Variants in DAPK1 observed in about 807,000 individuals in gnomAD.
DAPK1 encodes the protein death associated protein kinase 1.
DAPK1 carries 56 observed loss-of-function variants against 144.9 expected under a neutral mutation model. That is an observed-to-expected ratio of 0.39 (90% CI 0.31 to 0.48). DAPK1 has a LOEUF of 0.48. DAPK1 is among the 20% of genes least tolerant of loss of function. The probability of loss-of-function intolerance (pLI) is 0.95; values close to 1 mark genes in which losing one functional copy is unlikely to be tolerated. For synonymous variants in DAPK1, 690 were observed against 749.0 expected (o/e 0.92, Z 1.29); for missense variants, 1,454 against 1,875.4 (o/e 0.78, Z 4.15).
chr9:87,566,071 A>G (rs1308338629), intron 2 of DAPK1, among the ~76,000 whole-genome samples: 1 of 139,632 alleles, frequency 7.2e-6, no homozygotes, highest in Non-Finnish European at 1.5e-5. Flanking sequence ...CCCAGGCTGG[A>G]GTGCAGTGGC....
At chr9:87,573,858 T>C (rs1451152339) in intron 2 of DAPK1, among the ~76,000 whole-genome samples, 1 of 152,252 alleles carries the variant, frequency 6.6e-6, no homozygotes, top group Non-Finnish European at 1.5e-5. Flanking sequence ...TAGAGATGTT[T>C]TCATTACTGA....
At chr9:87,697,717 C>A (rs953482732) in intron 22 of DAPK1, among the ~76,000 whole-genome samples, 2 of 152,196 alleles carry the variant, frequency 1.3e-5, no homozygotes, top group Non-Finnish European at 2.9e-5. Context: ...CTGTGGGAAG[C>A]CAAGGTGGGC....
chr9:87,645,925 A>G lies in DAPK1; in HGVS notation c.1042A>G (p.Ile348Val), dbSNP rs1279405794. Residue 348 changes from isoleucine to valine, a missense_variant, in exon 12 of 26, where the codon ATC becomes GTC. This residue lies in a region of DAPK1 where 429 missense variants were observed against 637.5 expected (regional missense o/e 0.67). Coordinates refer to ENST00000408954, the MANE Select transcript of DAPK1 (RefSeq NM_004938.4). ...DEEDSFVMKA[I>V]IHAINDDNVP... ...GGAAGACTCCTTTGTGATGAAAGCC[A>G]TCATCCATGCCATCAACGATGACAA... 2 of 1,614,100 alleles carry G rather than the reference A, an allele frequency of 1.2e-6. No homozygotes were observed. Among genetic ancestry groups the G allele is most frequent in the South Asian group, 1.1e-5 (1 of 91,074 alleles).
At position 87,698,715 on chromosome 9, in the gene DAPK1, A is replaced by G. The variant is rs374659806; in HGVS notation, c.2671A>G (p.Ile891Val). The G allele has an allele frequency of 2.5e-6, 4 of 1,598,216 alleles. No homozygotes were observed. The African/African-American group carries it at 4.0e-5, about 16-fold the overall frequency. ...TGTCCTGGTGGCCACCCACGCTGACATCATGAATGTTCCTCGACCGGCTGG... is the reference window on the plus strand; with the variant it reads ...TGTCCTGGTGGCCACCCACGCTGACGTCATGAATGTTCCTCGACCGGCTGG... ...QVVLVATHAD[I>V]MNVPRPAGGE... is the part of the protein sequence containing the mutation. The change falls in exon 23 of 26, where the codon ATC becomes GTC. Residue 891 changes from isoleucine (I) to valine (V), a missense_variant. Around this residue, in one of 2 missense-constraint regions of DAPK1, gnomAD observed 1,025 missense variants for 1,237.9 expected, o/e 0.83. Transcript: ENST00000408954.
intron 2 of DAPK1, among the ~76,000 whole-genome samples, chr9:87,504,557 G>A (rs186779071): frequency 3.9e-5 from 6 of 152,188 alleles, no homozygotes; most frequent in Non-Finnish European, 8.8e-5. Flanking sequence ...GTGTCTCCCC[G>A]GCCAATGAGG....
intron 3 of DAPK1, among the ~76,000 whole-genome samples, chr9:87,607,082 G>A (rs1290691727): frequency 6.6e-6 from 1 of 150,474 alleles, no homozygotes; most frequent in Non-Finnish European, 1.5e-5. Context: ...TGAGAACTCT[G>A]GCTTTAAAGG....
At chr9:87,681,286 A>AAAAAAAAG (rs1824608006) in intron 19 of DAPK1, 118 bp from the exon 20 acceptor site, 2 of 687,682 alleles carry the variant, frequency 2.9e-6, no homozygotes, top group Admixed American at 5.1e-5. Context: ...CTCAAAAAAG[A>AAAAAAAAG]AAAAAAGAAA....
Position 87,677,707 on chromosome 9 carries a change from C to A in DAPK1, c.2002-3697C>A, listed in dbSNP as rs1824447493. Reference sequence around the variant, plus strand: ...GAATAGATGGGGAAGTTTGCATCTACCCTGTGGGATGCTCACCATGGAAGG... The same window carrying A: ...GAATAGATGGGGAAGTTTGCATCTAACCTGTGGGATGCTCACCATGGAAGG... On this transcript the variant is annotated intron_variant, in intron 19 of 25. Transcript: ENST00000408954. Among the ~76,000 whole-genome samples, 4 of 152,180 alleles carry A rather than the reference C, an allele frequency of 2.6e-5. No individual in the cohort carries two copies. The South Asian group carries it at 8.3e-4, about 32-fold the overall frequency.
chr9:87,620,904 A>G (rs1299934523), intron 3 of DAPK1, among the ~76,000 whole-genome samples: 1 of 152,056 alleles, frequency 6.6e-6, no homozygotes, highest in Non-Finnish European at 1.5e-5. Flanking sequence ...CGTTTGCCCC[A>G]CTTTTGATTG....
chr9:87,604,006 T>C (rs1770093831), intron 2 of DAPK1, among the ~76,000 whole-genome samples: 1 of 152,184 alleles, frequency 6.6e-6, no homozygotes, highest in Non-Finnish European at 1.5e-5. Flanking sequence ...CTTATGTCGC[T>C]GAAACATCAC....
At chr9:87,621,667 C>A (rs1436599282) in intron 3 of DAPK1, among the ~76,000 whole-genome samples, 1 of 152,154 alleles carries the variant, frequency 6.6e-6, no homozygotes, top group African/African-American at 2.4e-5. Flanking sequence ...CTGCCTCTTG[C>A]TTTGGGTTTG....
chr9:87,513,437 G>A (rs1373554782), intron 2 of DAPK1, among the ~76,000 whole-genome samples: 1 of 152,184 alleles, frequency 6.6e-6, no homozygotes, highest in African/African-American at 2.4e-5. Context: ...TGTGGACGAC[G>A]TAAAAATGTA....
intron 2 of DAPK1, among the ~76,000 whole-genome samples, chr9:87,598,847 A>G (rs11141907): frequency 0.028 from 4,221 of 152,300 alleles, 165 homozygotes; most frequent in Admixed American, 0.11. Context: ...TGACCTTGAG[A>G]ATCAACTTGG....
Position 87,647,298 on chromosome 9 carries a change from C to T in DAPK1, c.1231-7C>T, listed in dbSNP as rs1830300223. The T allele has an allele frequency of 3.7e-6, 6 of 1,613,456 alleles. No individual in the cohort carries two copies. Among genetic ancestry groups the T allele is most frequent in the Non-Finnish European group, 5.1e-6 (6 of 1,179,428 alleles). On this transcript the variant is annotated splice_region_variant and splice_polypyrimidine_tract_variant and intron_variant, in intron 13 of 25. Coordinates refer to ENST00000408954, the MANE Select transcript of DAPK1 (RefSeq NM_004938.4). ...AGAAATGTGACCCCAGGTTGATTTT[C>T]CTGCAGGGCGGGTCCAATGCCGTCT...
intron 2 of DAPK1, among the ~76,000 whole-genome samples, chr9:87,552,415 T>A (rs1826529405): frequency 6.9e-6 from 1 of 144,902 alleles, no homozygotes; most frequent in South Asian, 2.1e-4. Flanking sequence ...CACCACTTTC[T>A]GGAAAATATG....
chr9:87,648,959 T>C, intron 15 of DAPK1, 80 bp downstream of exon 15: 1 of 1,253,964 alleles, frequency 8.0e-7, no homozygotes, highest in Non-Finnish European at 1.2e-6. Flanking sequence ...TCGGGGCCTT[T>C]AGAGTTTTAT....
chr9:87,538,305 G>A (rs1222191592), intron 2 of DAPK1, among the ~76,000 whole-genome samples: 1 of 152,040 alleles, frequency 6.6e-6, no homozygotes, highest in Non-Finnish European at 1.5e-5. Context: ...ATTGGAGGTG[G>A]GGAACTGGGA....
intron 3 of DAPK1, among the ~76,000 whole-genome samples, chr9:87,629,889 C>A (rs1829610377): frequency 6.6e-6 from 1 of 152,176 alleles, no homozygotes; most frequent in African/African-American, 2.4e-5. Flanking sequence ...ACTTCTGAGG[C>A]AGCATCCACC....
At chr9:87,557,554 T>A (rs1221947627) in intron 2 of DAPK1, among the ~76,000 whole-genome samples, 1 of 152,196 alleles carries the variant, frequency 6.6e-6, no homozygotes, top group African/African-American at 2.4e-5. Context: ...CCATTAGATT[T>A]TTTTTCTATC....
Sources: gnomAD v4.1 joint callset for allele counts (sites outside exome capture counted in the v4.1 genomes callset) on GRCh38, gnomAD v4.1.1 for gene constraint, gnomAD v4.1.1 regional missense constraint, MANE v1.5 for transcripts, NCBI Gene and HGNC (gene_info 2026-07-23, HGNC 2026-07-21) for gene names.